SLCO1B1: variants seen among roughly 807,000 people sequenced by gnomAD.
SLCO1B1 encodes solute carrier organic anion transporter family member 1B1, also known as OATP-2.
A neutral mutation model predicts 70.1 loss-of-function variants in SLCO1B1; 81 were observed. That is an observed-to-expected ratio of 1.16 (90% CI 0.97 to 1.39). The LOEUF (loss-of-function observed/expected upper bound fraction) is 1.39, where lower values mean the gene tolerates loss of function less well. Among genes scored for constraint, SLCO1B1 ranks in the 40% most tolerant of loss-of-function variants. The pLI, the probability that SLCO1B1 is intolerant of heterozygous loss-of-function variation, is 0.00. For synonymous variants in SLCO1B1, 283 were observed against 271.5 expected (o/e 1.04, Z -0.42); for missense variants, 895 against 799.6 (o/e 1.12, Z -1.44).
chr12:21,177,548 C>CA (rs1555177593), intron 5 of SLCO1B1, among the ~76,000 whole-genome samples: 2 of 151,450 alleles, frequency 1.3e-5, no homozygotes, highest in Non-Finnish European at 2.9e-5. Flanking sequence ...GAGGTAGAGG[C>CA]AAAAAAGGAT....
intron 2 of SLCO1B1, among the ~76,000 whole-genome samples, chr12:21,158,491 C>T (rs184389655): frequency 6.6e-6 from 1 of 152,184 alleles, no homozygotes; most frequent in East Asian, 1.9e-4. Context: ...CTCAGGAGTT[C>T]AAGATGAGCC....
intron 1 of SLCO1B1, among the ~76,000 whole-genome samples, chr12:21,138,119 T>A (rs932360371): frequency 6.6e-6 from 1 of 152,240 alleles, no homozygotes; most frequent in African/African-American, 2.4e-5. Flanking sequence ...TTGTCTCTCC[T>A]ATAAAAGGTC....
intron 7 of SLCO1B1, among the ~76,000 whole-genome samples, chr12:21,187,770 C>T (rs1326323308): frequency 6.6e-6 from 1 of 151,918 alleles, no homozygotes; most frequent in Non-Finnish European, 1.5e-5. Flanking sequence ...ACAACATGGC[C>T]AATCAAGAAA....
chr12:21,140,034 T>C (rs1213191659), intron 1 of SLCO1B1, among the ~76,000 whole-genome samples: 1 of 152,110 alleles, frequency 6.6e-6, no homozygotes, highest in African/African-American at 2.4e-5. Flanking sequence ...ATGTATTAAA[T>C]AAAGTGTCTT....
intron 5 of SLCO1B1, among the ~76,000 whole-genome samples, chr12:21,177,757 A>T (rs531422926): frequency 6.6e-6 from 1 of 152,224 alleles, no homozygotes; most frequent in South Asian, 2.1e-4. Flanking sequence ...TAATAGAATA[A>T]AACAACAAAA....
At chr12:21,231,544 A>AATAATTCACTTG (rs1190852951) in intron 14 of SLCO1B1, among the ~76,000 whole-genome samples, 10 of 151,834 alleles carry the variant, frequency 6.6e-5, no homozygotes, top group African/African-American at 2.4e-4. Context: ...AGACTGAGGA[A>AATAATTCACTTG]ATAATTCACT....
chr12:21,133,893 G>T (rs957145550), intron 1 of SLCO1B1, among the ~76,000 whole-genome samples: 1 of 152,138 alleles, frequency 6.6e-6, no homozygotes, highest in Non-Finnish European at 1.5e-5. Context: ...GTGAGAGAGG[G>T]CATCCCTGTC....
At chr12:21,145,559 T>A (rs1356582894) in intron 2 of SLCO1B1, among the ~76,000 whole-genome samples, 2 of 134,612 alleles carry the variant, frequency 1.5e-5, no homozygotes. Flanking sequence ...GCTCAAGCAA[T>A]CAGCCCGCCT....
rs1464878896 is a variant in SLCO1B1, at chr12:21,178,670, G to A, written c.576G>A (p.Gly192=). ...GGGAGACTCCCATAGTACCATTGGGGCTTTCTTACATTGATGATTTCGCTA... is the reference window on the plus strand; with the variant it reads ...GGGAGACTCCCATAGTACCATTGGGACTTTCTTACATTGATGATTTCGCTA... ...GIGETPIVPL[G]LSYIDDFAKE... The change falls in exon 6 of 15, where the codon GGG becomes GGA. Residue 192 remains glycine, a synonymous_variant. Transcript: ENST00000256958. 2.5e-6 allele frequency: 4 copies of A among 1,606,712 alleles called. No individual in the cohort carries two copies. The East Asian group carries it at 8.9e-5, about 36-fold the overall frequency.
intron 2 of SLCO1B1, among the ~76,000 whole-genome samples, chr12:21,155,383 T>TA (rs1940529797): frequency 6.6e-6 from 1 of 152,100 alleles, no homozygotes; most frequent in Non-Finnish European, 1.5e-5. Context: ...TACTTGTTCT[T>TA]TTTTGTTATC....
intron 7 of SLCO1B1, among the ~76,000 whole-genome samples, chr12:21,187,637 A>G (rs1940978349): frequency 6.6e-6 from 1 of 151,596 alleles, no homozygotes. Flanking sequence ...GACTAGAAGA[A>G]TTACACCATT....
At chr12:21,155,946 T>A (rs1940537795) in intron 2 of SLCO1B1, among the ~76,000 whole-genome samples, 1 of 152,188 alleles carries the variant, frequency 6.6e-6, no homozygotes. Flanking sequence ...GCAACCAATG[T>A]CTGAACAGTC....
intron 2 of SLCO1B1, among the ~76,000 whole-genome samples, chr12:21,146,117 A>T (rs1940378846): frequency 6.6e-6 from 1 of 152,144 alleles, no homozygotes. Flanking sequence ...AATCAGTTCA[A>T]TTTCTTAAAC....
chr12:21,170,100 T>C (rs1383529657), intron 2 of SLCO1B1, among the ~76,000 whole-genome samples: 1 of 152,208 alleles, frequency 6.6e-6, no homozygotes, highest in Non-Finnish European at 1.5e-5. Context: ...TGTCTGGAAC[T>C]GCAGTTTTTG....
intron 13 of SLCO1B1, 63 bp downstream of exon 13, chr12:21,222,427 TACACACACAC>T (rs869209935): frequency 9.9e-5 from 10 of 101,028 alleles, no homozygotes; most frequent in South Asian, 3.4e-4. Context: ...TATATATATA[TACACACACAC>T]ATACATATAT....
intron 2 of SLCO1B1, among the ~76,000 whole-genome samples, chr12:21,170,650 A>G (rs1940746018): frequency 6.6e-6 from 1 of 152,182 alleles, no homozygotes; most frequent in African/African-American, 2.4e-5. Context: ...TATTCCCATC[A>G]TCAACTTAAT....
chr12:21,188,700 C>T (rs1196532623), intron 7 of SLCO1B1, among the ~76,000 whole-genome samples: 1 of 152,074 alleles, frequency 6.6e-6, no homozygotes, highest in Non-Finnish European at 1.5e-5. Context: ...ATACCTCCCC[C>T]CTCTCTTCTT....
At position 21,174,567 on chromosome 12, in the gene SLCO1B1, C is replaced by A. The variant is rs765630376; in HGVS notation, c.227-10C>A. 1.1e-5 allele frequency: 17 copies of A among 1,612,432 alleles called. No homozygotes were observed. Among genetic ancestry groups the A allele is most frequent in the Non-Finnish European group, 1.4e-5 (16 of 1,179,274 alleles). On this transcript the variant is annotated splice_polypyrimidine_tract_variant and intron_variant, in intron 3 of 14. Transcript: ENST00000256958. ...TAAGCTGTATCAACATAATTTTGTTCCCTTTCTAGGAAATTTGCTTGTGAT... is the reference window on the plus strand; with the variant it reads ...TAAGCTGTATCAACATAATTTTGTTACCTTTCTAGGAAATTTGCTTGTGAT...
chr12:21,194,058 TG>T (rs1941063289), intron 7 of SLCO1B1, among the ~76,000 whole-genome samples: 1 of 152,182 alleles, frequency 6.6e-6, no homozygotes, highest in Non-Finnish European at 1.5e-5. Flanking sequence ...CCCAAAGTGC[TG>T]GGATTACAGG....
Sources: allele counts gnomAD v4.1 joint callset (sites outside exome capture counted in the v4.1 genomes callset), GRCh38; gene constraint gnomAD v4.1.1; transcripts MANE v1.5; gene names NCBI Gene and HGNC (gene_info 2026-07-23, HGNC 2026-07-21).